SFT2D1: variants seen among roughly 807,000 people sequenced by gnomAD.
SFT2D1 encodes the protein SFT2 domain containing 1.
In SFT2D1, 24 loss-of-function variants were observed where a neutral mutation model predicts 28.1. The ratio of observed to expected loss-of-function variants is 0.85; its 90% confidence interval spans 0.62 to 1.20. The LOEUF is 1.20. Ranked by LOEUF, SFT2D1 falls within the 50% of genes most tolerant of loss-of-function variation. SFT2D1 has a pLI of 0.00. For synonymous variants in SFT2D1, 82 were observed against 73.7 expected (o/e 1.11, Z -0.58); for missense variants, 181 against 190.9 (o/e 0.95, Z 0.31).
At position 166,320,178 on chromosome 6, in the gene SFT2D1, A is replaced by T. The variant is rs1439675687; in HGVS notation, c.*39T>A. ...AAGCAAACTTCACCAAACATAGAGT[A>T]CCAACATTCAAGTGCTCTTTTCCAC... is the stretch of plus-strand genomic sequence containing the variant. On this transcript the variant is annotated 3_prime_UTR_variant, in exon 8 of 8. Coordinates refer to ENST00000361731, the MANE Select transcript of SFT2D1 (RefSeq NM_145169.3). 2 of 1,599,346 alleles carry T rather than the reference A, an allele frequency of 1.3e-6. No individual in the cohort carries two copies. The highest frequency in any genetic ancestry group is 2.2e-5 in the South Asian group (2 of 89,386).
intron 6 of SFT2D1, 81 bp from the exon 7 acceptor site, chr6:166,322,967 T>C: frequency 8.9e-7 from 1 of 1,129,540 alleles, no homozygotes; most frequent in Non-Finnish European, 1.3e-6. Context: ...TCTAACCTTA[T>C]AATAAATACA....
chr6:166,342,019 G>A (rs1322966315), intron 1 of SFT2D1, among the ~76,000 whole-genome samples: 1 of 152,028 alleles, frequency 6.6e-6, no homozygotes, highest in Admixed American at 6.5e-5. Flanking sequence ...CAAGCTTTAG[G>A]GTCTCGGCTC....
At chr6:166,340,986 A>G (rs966641049) in intron 1 of SFT2D1, among the ~76,000 whole-genome samples, 12 of 152,258 alleles carry the variant, frequency 7.9e-5, no homozygotes, top group African/African-American at 2.9e-4. Flanking sequence ...TTGCATCTCC[A>G]AAGTTTAGAG....
In SFT2D1 at chr6:166,330,253, T is replaced by TA. The variant is rs1461899207; in HGVS notation, c.64-7dup. ...AGGGATGAGGCATCCAGGACCTTAA[T>TA]AAAAAATGGGAAAATTTAGAATATA... On this transcript the variant is annotated splice_region_variant and splice_polypyrimidine_tract_variant and intron_variant, in intron 1 of 7. Coordinates refer to ENST00000361731, the MANE Select transcript of SFT2D1 (RefSeq NM_145169.3). The TA allele has an allele frequency of 7.6e-6, 12 of 1,582,690 alleles. No individual in the cohort carries two copies. In the South Asian group the frequency reaches 8.2e-5, roughly 11 times the overall value.
rs1398220758 is a variant in SFT2D1 at position 166,323,018 on chromosome 6, G to A, written c.411-132C>T. The A allele has an allele frequency of 4.4e-5, 29 of 656,200 alleles. No individual in the cohort carries two copies. The Middle Eastern group carries it at 1.2e-3, about 28-fold the overall frequency. The allele number at this position is 656,200 out of a possible 1,614,324, so 40.6% of individuals were successfully genotyped here. A position where few individuals can be genotyped will look rare whatever the true frequency, so the allele number is the denominator to read the frequency against. ...ACAGTGGTTCTCAAAGTGTGACCCC[G>A]ACCAGCAGTGAGAGCATCATCTGGG... On this transcript the variant is annotated intron_variant, in intron 6 of 7. Transcript: ENST00000361731.
At chr6:166,330,126 TAA>T in intron 2 of SFT2D1, 33 bp downstream of exon 2, 3 of 1,453,098 alleles carry the variant, frequency 2.1e-6, no homozygotes, top group Non-Finnish European at 2.8e-6. Context: ...TAATACAAAA[TAA>T]AAATTATTAA....
intron 3 of SFT2D1, among the ~76,000 whole-genome samples, chr6:166,329,293 C>T (rs1778506650): frequency 1.3e-5 from 2 of 152,146 alleles, no homozygotes; most frequent in Non-Finnish European, 2.9e-5. Context: ...CATTAAGTGC[C>T]CCACAAAGGC....
chr6:166,335,748 T>C (rs1562446687), intron 1 of SFT2D1, among the ~76,000 whole-genome samples: 2 of 152,160 alleles, frequency 1.3e-5, no homozygotes, highest in Admixed American at 6.5e-5. Flanking sequence ...TGGCAGAAGA[T>C]TTTAATCACT....
chr6:166,338,143 A>G (rs1778694299), intron 1 of SFT2D1, among the ~76,000 whole-genome samples: 1 of 152,234 alleles, frequency 6.6e-6, no homozygotes, highest in Non-Finnish European at 1.5e-5. Context: ...AGCAGGCTGA[A>G]TGGACTAAGA....
chr6:166,326,384 T>C (rs1778445731), intron 4 of SFT2D1, among the ~76,000 whole-genome samples: 1 of 152,196 alleles, frequency 6.6e-6, no homozygotes, highest in Non-Finnish European at 1.5e-5. Flanking sequence ...ATCTAATAAT[T>C]TAATCTGTTA....
At chr6:166,326,356 C>T (rs1395501524) in intron 4 of SFT2D1, among the ~76,000 whole-genome samples, 189 bp from the exon 5 acceptor site, 1 of 152,102 alleles carries the variant, frequency 6.6e-6, no homozygotes, top group East Asian at 1.9e-4. Flanking sequence ...CTGCAATATT[C>T]CTTGGCAAAT....
At chr6:166,336,622 C>T (rs367642650) in intron 1 of SFT2D1, among the ~76,000 whole-genome samples, 179 of 152,278 alleles carry the variant, frequency 1.2e-3, no homozygotes, top group African/African-American at 3.9e-3. Context: ...AGTCCTCACA[C>T]GATGGAAAGG....
Position 166,325,987 on chromosome 6 carries a change from T to C in SFT2D1, c.351+145A>G, listed in dbSNP as rs560636511. The C allele has an allele frequency of 1.0e-5, 8 of 782,252 alleles. No individual in the cohort carries two copies. The African/African-American group carries it at 1.4e-4, about 14-fold the overall frequency. 48.5% of individuals were successfully genotyped at this position (782,252 alleles called of 1,614,324 possible). A position where few individuals can be genotyped will look rare whatever the true frequency, so the allele number is the denominator to read the frequency against. On this transcript the variant is annotated intron_variant, in intron 5 of 7. Transcript: ENST00000361731. ...GCATTTTTAGCAACTAGCTGGATGG[T>C]AACATGTCAAATTTTAGGAACACCT...
chr6:166,330,495 A>C (rs1778529744), intron 1 of SFT2D1, among the ~76,000 whole-genome samples: 1 of 152,236 alleles, frequency 6.6e-6, no homozygotes, highest in Non-Finnish European at 1.5e-5. Context: ...AAAAGTCCTT[A>C]TCTGTTAGGG....
chr6:166,327,742 C>CAA (rs913244574), intron 4 of SFT2D1, among the ~76,000 whole-genome samples: 2 of 152,154 alleles, frequency 1.3e-5, no homozygotes, highest in Non-Finnish European at 2.9e-5. Flanking sequence ...GCAGGCTTTA[C>CAA]CCAGCCAGTA....
intron 3 of SFT2D1, 62 bp downstream of exon 3, chr6:166,329,445 C>A: frequency 1.4e-6 from 2 of 1,420,542 alleles, no homozygotes; most frequent in Non-Finnish European, 2.0e-6. Context: ...TGGGAAAGTG[C>A]TTATTAGAAA....
chr6:166,340,338 A>G (rs1778753008), intron 1 of SFT2D1, among the ~76,000 whole-genome samples: 1 of 152,182 alleles, frequency 6.6e-6, no homozygotes, highest in Non-Finnish European at 1.5e-5. Context: ...CGGTCACACC[A>G]CCACTCTGCT....
At chr6:166,322,564 G>A (rs781730699) in intron 7 of SFT2D1, among the ~76,000 whole-genome samples, 1 of 151,626 alleles carries the variant, frequency 6.6e-6, no homozygotes, top group Non-Finnish European at 1.5e-5. Context: ...ATGGCAGTAC[G>A]CGCCTGTAGT....
intron 1 of SFT2D1, chr6:166,331,292 A>G (rs1778544075): frequency 6.5e-6 from 1 of 152,710 alleles, no homozygotes; most frequent in African/African-American, 2.4e-5. Context: ...CCACTTAAAA[A>G]TAAGACTACA....
Sources: gnomAD v4.1 joint callset for allele counts (sites outside exome capture counted in the v4.1 genomes callset) on GRCh38, gnomAD v4.1.1 for gene constraint, MANE v1.5 for transcripts, NCBI Gene and HGNC (gene_info 2026-07-23, HGNC 2026-07-21) for gene names.